Variants in PDE4D observed in about 807,000 individuals in gnomAD.
The protein encoded by PDE4D is 3',5'-cyclic-AMP phosphodiesterase 4D.
PDE4D carries 24 observed loss-of-function variants against 87.4 expected under a neutral mutation model. The ratio of observed to expected loss-of-function variants is 0.27; its 90% CI spans 0.20 to 0.39. The LOEUF (loss-of-function observed/expected upper bound fraction) is 0.39. Among genes scored for constraint, PDE4D ranks in the 10% least tolerant of loss-of-function variants. The probability of loss-of-function intolerance (pLI) is 1.00; values close to 1 mark genes in which losing one functional copy is unlikely to be tolerated. For synonymous variants in PDE4D, 384 were observed against 383.2 expected (o/e 1.00, Z -0.02); for missense variants, 714 against 1,041.0 (o/e 0.69, Z 4.32).
chr5:60,167,595 T>C (rs988820297), intron 2 of PDE4D, among the ~76,000 whole-genome samples: 15 of 152,350 alleles, frequency 9.8e-5, no homozygotes, highest in Admixed American at 7.8e-4. Context: ...AAGTCTGCTG[T>C]TGATGCTATT....
At chr5:59,929,776 C>T (rs1755690044) in intron 3 of PDE4D, among the ~76,000 whole-genome samples, 1 of 152,144 alleles carries the variant, frequency 6.6e-6, no homozygotes, top group Non-Finnish European at 1.5e-5. Flanking sequence ...GGCTTAGTTA[C>T]TGCCTAAGAC....
At chr5:60,064,583 C>G (rs1467360740) in intron 2 of PDE4D, among the ~76,000 whole-genome samples, 2 of 152,110 alleles carry the variant, frequency 1.3e-5, no homozygotes, top group Admixed American at 6.6e-5. Context: ...TTAAAAACTT[C>G]AAGCTTGTTC....
At chr5:59,936,267 C>T (rs1486746897) in intron 3 of PDE4D, among the ~76,000 whole-genome samples, 2 of 151,864 alleles carry the variant, frequency 1.3e-5, no homozygotes, top group African/African-American at 4.8e-5. Flanking sequence ...TGTTAAATGA[C>T]GAGTTAATGG....
intron 5 of PDE4D, among the ~76,000 whole-genome samples, chr5:59,054,466 T>G (rs1243288886): frequency 6.6e-6 from 1 of 152,140 alleles, no homozygotes; most frequent in Non-Finnish European, 1.5e-5. Context: ...TATTTATTTT[T>G]AAAAGGTAGA....
At chr5:59,256,454 G>C (rs1276963449) in intron 1 of PDE4D, among the ~76,000 whole-genome samples, 1 of 152,040 alleles carries the variant, frequency 6.6e-6, no homozygotes, top group Admixed American at 6.6e-5. Flanking sequence ...GGGAGTCTCA[G>C]AGCAAAAGGA....
intron 1 of PDE4D, among the ~76,000 whole-genome samples, chr5:59,313,394 G>T (rs1292905623): frequency 1.3e-5 from 2 of 152,066 alleles, no homozygotes; most frequent in East Asian, 1.9e-4. Flanking sequence ...TTCCAAAATG[G>T]GTATCCACTT....
chr5:59,723,973 T>G (rs1407689365), intron 1 of PDE4D, among the ~76,000 whole-genome samples: 1 of 152,070 alleles, frequency 6.6e-6, no homozygotes, highest in African/African-American at 2.4e-5. Context: ...TTCCCTCAGG[T>G]AGCAGAAAAT....
At chr5:59,416,014 A>G (rs1793548842) in intron 1 of PDE4D, among the ~76,000 whole-genome samples, 1 of 152,092 alleles carries the variant, frequency 6.6e-6, no homozygotes, top group East Asian at 1.9e-4. Flanking sequence ...CTAAATCTCT[A>G]TTTTCGGAAG....
At chr5:60,409,976 C>T (rs1269423136) in intron 1 of PDE4D, among the ~76,000 whole-genome samples, 1 of 152,128 alleles carries the variant, frequency 6.6e-6, no homozygotes, top group Non-Finnish European at 1.5e-5. Context: ...GATTTCTGCC[C>T]CATTCCTGTT....
At chr5:60,214,046 C>A (rs376545665) in intron 1 of PDE4D, among the ~76,000 whole-genome samples, 2 of 152,136 alleles carry the variant, frequency 1.3e-5, no homozygotes, top group South Asian at 2.1e-4. Flanking sequence ...GGAATTAAAC[C>A]TTCCCTCAAT....
intron 1 of PDE4D, among the ~76,000 whole-genome samples, chr5:59,229,575 A>C (rs1419870060): frequency 6.6e-6 from 1 of 152,132 alleles, no homozygotes; most frequent in East Asian, 1.9e-4. Context: ...AAATAATACA[A>C]AAAAATCTTA....
intron 1 of PDE4D, among the ~76,000 whole-genome samples, chr5:60,426,906 A>T (rs1461018909): frequency 6.6e-6 from 1 of 152,182 alleles, no homozygotes; most frequent in South Asian, 2.1e-4. Flanking sequence ...CTAGAACTAA[A>T]AAAAAATAAA....
intron 2 of PDE4D, chr5:60,160,717 C>T (rs1324071167): frequency 2.5e-6 from 1 of 397,222 alleles, no homozygotes; most frequent in Admixed American, 3.2e-5. Context: ...TCTATGGACT[C>T]TTACTTTTAA....
At chr5:60,411,559 G>A (rs1425807531) in intron 1 of PDE4D, among the ~76,000 whole-genome samples, 1 of 152,016 alleles carries the variant, frequency 6.6e-6, no homozygotes, top group Non-Finnish European at 1.5e-5. Flanking sequence ...CATGTAAAAA[G>A]AATTTTTCAA....
chr5:59,754,797 A>ATTTTTTTTTTTTTTTTTTTTTTTTTT (rs754869518), intron 1 of PDE4D, among the ~76,000 whole-genome samples: 2 of 96,870 alleles, frequency 2.1e-5, no homozygotes, highest in Non-Finnish European at 2.0e-5. Context: ...TCCACAGAAC[A>ATTTTTTTTTTTTTTTTTTTTTTTTTT]TTTTTTTTTT....
At chr5:59,749,232 T>A (rs775280976) in intron 1 of PDE4D, among the ~76,000 whole-genome samples, 4 of 152,190 alleles carry the variant, frequency 2.6e-5, no homozygotes, top group Non-Finnish European at 4.4e-5. Context: ...ATGAGCAGCA[T>A]CTGCCACAGT....
intron 2 of PDE4D, among the ~76,000 whole-genome samples, chr5:60,049,730 T>C (rs10065528): frequency 0.15 from 23,409 of 152,158 alleles, 1,836 homozygotes; most frequent in Middle Eastern, 0.23. Context: ...CGTTCTCAGA[T>C]CTCCAGCTGC....
intron 1 of PDE4D, among the ~76,000 whole-genome samples, chr5:59,300,042 G>GTGGAGGT (rs1769892346): frequency 6.7e-6 from 1 of 149,338 alleles, no homozygotes. Flanking sequence ...AACTCAGGAG[G>GTGGAGGT]TGGAGGTTGC....
intron 1 of PDE4D, among the ~76,000 whole-genome samples, chr5:59,295,639 C>G (rs1358827405): frequency 1.3e-5 from 2 of 152,132 alleles, no homozygotes; most frequent in Non-Finnish European, 2.9e-5. Context: ...AAGGTATCAC[C>G]TTCAGATTAC....
Sources: gnomAD v4.1 joint callset for allele counts (sites outside exome capture counted in the v4.1 genomes callset) on GRCh38, gnomAD v4.1.1 for gene constraint, MANE v1.5 for transcripts, NCBI Gene and HGNC (gene_info 2026-07-23, HGNC 2026-07-21) for gene names.